Variants in PRKN observed in about 807,000 individuals in gnomAD.
The protein encoded by PRKN is parkin RBR E3 ubiquitin protein ligase.
PRKN carries 56 observed loss-of-function variants against 59.5 expected under a neutral mutation model. That is an observed-to-expected ratio of 0.94 (90% CI 0.76 to 1.18). PRKN has a LOEUF of 1.18. Ranked by LOEUF, PRKN falls within the 50% of genes most tolerant of loss-of-function variation. The pLI, the probability that PRKN is intolerant of heterozygous loss-of-function variation, is 0.00. For missense variants in PRKN, 657 were observed against 596.4 expected (o/e 1.10, Z -1.06); for synonymous variants, 250 against 222.1 (o/e 1.13, Z -1.12).
chr6:162,401,016 T>C (rs144907406), intron 2 of PRKN, among the ~76,000 whole-genome samples: 145 of 152,188 alleles, frequency 9.5e-4, no homozygotes, highest in African/African-American at 3.4e-3. Flanking sequence ...TTGATGATAA[T>C]GGAAACGCAA....
intron 2 of PRKN, among the ~76,000 whole-genome samples, chr6:162,373,158 T>C (rs1162128798): frequency 6.6e-6 from 1 of 152,158 alleles, no homozygotes; most frequent in Non-Finnish European, 1.5e-5. Context: ...AAAATAATGG[T>C]TTAAATGGTT....
At chr6:161,585,146 A>C (rs373449878) in intron 7 of PRKN, among the ~76,000 whole-genome samples, 1 of 152,238 alleles carries the variant, frequency 6.6e-6, no homozygotes, top group African/African-American at 2.4e-5. Context: ...AGGAAGCCTC[A>C]GAGTGTGAGT....
rs115366382 is a variant in PRKN at position 161,792,220 on chromosome 6, T to A, written c.735-6312A>T. Among the ~76,000 whole-genome samples, 883 of 152,348 alleles carry A rather than the reference T, an allele frequency of 5.8e-3. 10 individuals carry two copies. Among genetic ancestry groups the A allele is most frequent in the African/African-American group, 0.02 (843 of 41,564 alleles). ...ACTGTGAGAGGCAATGTTTATTATT[T>A]TCTTCAGCCACTAAGTTATGGGATA... On this transcript the variant is annotated intron_variant, in intron 6 of 11. Transcript: ENST00000366898.
chr6:162,712,738 C>G (rs1778582487), intron 1 of PRKN, among the ~76,000 whole-genome samples: 1 of 152,224 alleles, frequency 6.6e-6, no homozygotes, highest in Middle Eastern at 3.2e-3. Context: ...CATCCCCATA[C>G]TTAATGTCCA....
chr6:161,411,994 T>TCCTCACTCATTCCTC (rs766635202), intron 9 of PRKN, among the ~76,000 whole-genome samples: 54,527 of 135,214 alleles, frequency 0.4, 11,853 homozygotes, highest in East Asian at 0.82. Flanking sequence ...ATTCATTCCT[T>TCCTCACTCATTCCTC]CCTCACTCAT....
At chr6:162,097,634 T>C (rs1254816179) in intron 4 of PRKN, among the ~76,000 whole-genome samples, 1 of 152,198 alleles carries the variant, frequency 6.6e-6, no homozygotes, top group Non-Finnish European at 1.5e-5. Context: ...CCTTGCATGG[T>C]TGTTTCCACG....
chr6:162,461,897 G>A (rs1047502297), intron 1 of PRKN, among the ~76,000 whole-genome samples: 23 of 152,056 alleles, frequency 1.5e-4, no homozygotes, highest in African/African-American at 5.3e-4. Context: ...AGAGATAAGG[G>A]AAAATATAGG....
chr6:161,755,424 A>G (rs977476025), intron 7 of PRKN, among the ~76,000 whole-genome samples: 1 of 152,066 alleles, frequency 6.6e-6, no homozygotes, highest in African/African-American at 2.4e-5. Context: ...GTACTTGATA[A>G]CTGTTAACAC....
chr6:162,036,120 A>G (rs965560293), intron 5 of PRKN, among the ~76,000 whole-genome samples: 13 of 151,724 alleles, frequency 8.6e-5, no homozygotes, highest in Non-Finnish European at 1.8e-4. Flanking sequence ...GTCAGGAGAT[A>G]GAGACGATCC....
intron 9 of PRKN, among the ~76,000 whole-genome samples, chr6:161,436,624 G>A (rs1051418656): frequency 2.6e-4 from 39 of 152,116 alleles, no homozygotes; most frequent in African/African-American, 8.9e-4. Context: ...GAGAGAAAGA[G>A]AGAAAGGCAT....
chr6:162,444,906 A>G (rs560905447), intron 1 of PRKN, among the ~76,000 whole-genome samples: 81 of 152,192 alleles, frequency 5.3e-4, no homozygotes, highest in South Asian at 1.5e-3. Context: ...TCGGTTCATT[A>G]AATAATATTT....
chr6:162,630,061 CTGCACAAGTAGG>C (rs1467855371), intron 1 of PRKN, among the ~76,000 whole-genome samples: 4 of 152,274 alleles, frequency 2.6e-5, no homozygotes, highest in African/African-American at 9.6e-5. Flanking sequence ...GCACGATGGT[CTGCACAAGTAGG>C]TGCTAAAGGT....
In PRKN at chr6:161,407,536, A is replaced by G. The variant is rs548991996; in HGVS notation, c.1084-20659T>C. On this transcript the variant is annotated intron_variant, in intron 9 of 11. Coordinates refer to ENST00000366898, the MANE Select transcript of PRKN (RefSeq NM_004562.3). This position sits in a 1 kb window ranked among gnomAD's most constrained non-coding sequence, Gnocchi z 4.9. ...GTAAACATCCACATCAATTTACAATATCCTGATTTCAGAAATGTTAAAATA... is the reference window on the plus strand; with the variant it reads ...GTAAACATCCACATCAATTTACAATGTCCTGATTTCAGAAATGTTAAAATA... Among the ~76,000 whole-genome samples, 28 of 152,338 alleles carry G rather than the reference A, an allele frequency of 1.8e-4. No homozygotes were observed. The highest frequency in any genetic ancestry group is 3.2e-4 in the Non-Finnish European group (22 of 68,044).
chr6:162,304,129 G>C (rs1056882526), intron 2 of PRKN, among the ~76,000 whole-genome samples: 1 of 138,900 alleles, frequency 7.2e-6, no homozygotes, highest in Non-Finnish European at 1.6e-5. Context: ...TAATTCATTT[G>C]GAATAGGCCT....
chr6:161,661,613 C>G (rs1234407239), intron 7 of PRKN, among the ~76,000 whole-genome samples: 1 of 150,784 alleles, frequency 6.6e-6, no homozygotes, highest in Admixed American at 6.6e-5. Flanking sequence ...TTATTAATTT[C>G]TTGTCCATTT....
At chr6:162,352,756 C>T (rs1311383021) in intron 2 of PRKN, among the ~76,000 whole-genome samples, 6 of 152,142 alleles carry the variant, frequency 3.9e-5, no homozygotes, top group African/African-American at 1.2e-4. Flanking sequence ...ATGGAAGCAT[C>T]GAGAAAGGAC....
intron 6 of PRKN, among the ~76,000 whole-genome samples, chr6:161,829,269 C>T (rs997592044): frequency 6.6e-6 from 1 of 152,122 alleles, no homozygotes; most frequent in Non-Finnish European, 1.5e-5. Context: ...ACAATAACAG[C>T]AGCATAGTAA....
rs866996116 is a variant in PRKN, at chr6:161,848,332, T to C, written c.735-62424A>G. Among the ~76,000 whole-genome samples the C allele has an allele frequency of 5.9e-5, 9 of 152,324 alleles. No homozygotes were observed. The South Asian group carries it at 1.9e-3, about 32-fold the overall frequency. On this transcript the variant is annotated intron_variant, in intron 6 of 11. Coordinates refer to ENST00000366898, the MANE Select transcript of PRKN (RefSeq NM_004562.3). The stretch of plus-strand genomic sequence containing the variant: ...TATATGATTTGATGTCACAAATATC[T>C]GGATAATTTGATATAGCATCAAAAA...
Position 161,371,800 on chromosome 6 carries a change from C to G in PRKN, c.1168-11595G>C, listed in dbSNP as rs1036632752. ...ATTACAGGCATGCACCACCCCACCT[C>G]GCTAATTTTTGTATTTTTAGTAGAG... On this transcript the variant is annotated intron_variant, in intron 10 of 11. Coordinates refer to ENST00000366898, the MANE Select transcript of PRKN (RefSeq NM_004562.3). This position sits in a 1 kb window ranked among gnomAD's most constrained non-coding sequence, Gnocchi z 5.5. 1.3e-5 allele frequency among the ~76,000 whole-genome samples: 2 copies of G among 151,982 alleles called. No homozygotes were observed. The highest frequency in any genetic ancestry group is 4.8e-5 in the African/African-American group (2 of 41,374).
Sources: allele counts gnomAD v4.1 joint callset (sites outside exome capture counted in the v4.1 genomes callset), GRCh38; gene constraint gnomAD v4.1.1; non-coding constraint Gnocchi (gnomAD v3.1); transcripts MANE v1.5; gene names NCBI Gene and HGNC (gene_info 2026-07-23, HGNC 2026-07-21).